The following ZNF365 variants were observed in gnomAD, a reference collection of about 807,000 sequenced individuals.
ZNF365 encodes the protein zinc finger protein 365, also known as protein ZNF365.
In ZNF365, 22 loss-of-function variants were observed where a neutral mutation model predicts 35.0. The ratio of observed to expected loss-of-function variants is 0.63; its 90% CI spans 0.45 to 0.90. The LOEUF is 0.90. Among genes scored for constraint, ZNF365 ranks in the 40% least tolerant of loss-of-function variants. ZNF365 has a pLI of 0.00. For synonymous variants in ZNF365, 188 were observed against 196.2 expected (o/e 0.96, Z 0.35); for missense variants, 448 against 500.3 (o/e 0.90, Z 1.00).
chr10:62,460,715 G>T lies in ZNF365; in HGVS notation c.981+918G>T, dbSNP rs181968491. ...TAGAGGTTAATTCTGATGTGGTGTT[G>T]GGAGACAGGAGTACATATCAGAAGA... On this transcript the variant is annotated intron_variant, in intron 4 of 4. Transcript: ENST00000395255. Among the ~76,000 whole-genome samples, 6 of 152,304 alleles carry T rather than the reference G, an allele frequency of 3.9e-5. No individual in the cohort carries two copies. The East Asian group carries it at 1.2e-3, about 29-fold the overall frequency.
At chr10:62,415,204 C>G (rs10761632) in intron 3 of ZNF365, among the ~76,000 whole-genome samples, 95,797 of 151,888 alleles carry the variant, frequency 0.63, 30,903 homozygotes, top group East Asian at 0.84. Flanking sequence ...ACATAGTCCT[C>G]ACTCTCAGCA....
intron 4 of ZNF365, among the ~76,000 whole-genome samples, chr10:62,466,285 T>C (rs1840942166): frequency 6.6e-6 from 1 of 152,194 alleles, no homozygotes; most frequent in African/African-American, 2.4e-5. Flanking sequence ...GTGCCTGCAG[T>C]GGCAGTCACT....
At chr10:62,386,419 T>A (rs1839527412) in intron 2 of ZNF365, among the ~76,000 whole-genome samples, 1 of 152,224 alleles carries the variant, frequency 6.6e-6, no homozygotes, top group Non-Finnish European at 1.5e-5. Flanking sequence ...TACTGAAAGA[T>A]GATGGAATTA....
intron 3 of ZNF365, among the ~76,000 whole-genome samples, chr10:62,390,229 T>C (rs1055084741): frequency 7.9e-5 from 12 of 152,230 alleles, no homozygotes; most frequent in African/African-American, 2.9e-4. Context: ...CTTTCCAGGT[T>C]GTTTTGGCCT....
intron 4 of ZNF365, among the ~76,000 whole-genome samples, chr10:62,471,665 A>G (rs1841041140): frequency 6.6e-6 from 1 of 152,158 alleles, no homozygotes; most frequent in Non-Finnish European, 1.5e-5. Flanking sequence ...ACCATTGCTT[A>G]TATTCTTGGC....
At chr10:62,471,161 TC>T (rs1357844341) in intron 4 of ZNF365, among the ~76,000 whole-genome samples, 3 of 151,968 alleles carry the variant, frequency 2.0e-5, no homozygotes, top group Admixed American at 1.3e-4. Flanking sequence ...GGTCAGGAGA[TC>T]GAGATCATCC....
chr10:62,476,054 T>C (rs1841125199), intron 4 of ZNF365, among the ~76,000 whole-genome samples: 1 of 152,066 alleles, frequency 6.6e-6, no homozygotes, highest in Non-Finnish European at 1.5e-5. Flanking sequence ...TAGAGACATA[T>C]TAAAAAACCT....
chr10:62,461,940 C>T (rs374488755), intron 4 of ZNF365, among the ~76,000 whole-genome samples: 1 of 152,112 alleles, frequency 6.6e-6, no homozygotes, highest in African/African-American at 2.4e-5. Flanking sequence ...GTAAATTCTG[C>T]GGGCAAACAG....
chr10:62,413,405 C>T (rs562415764), intron 3 of ZNF365, among the ~76,000 whole-genome samples: 10 of 152,262 alleles, frequency 6.6e-5, no homozygotes, highest in African/African-American at 2.4e-4. Flanking sequence ...GACCATGGAA[C>T]TGTTTCTTCT....
At chr10:62,397,103 T>A (rs759215591) in intron 3 of ZNF365, among the ~76,000 whole-genome samples, 11 of 152,208 alleles carry the variant, frequency 7.2e-5, no homozygotes, top group Non-Finnish European at 1.5e-4. Flanking sequence ...TCTTTGTATG[T>A]TGCATAATCT....
intron 3 of ZNF365, among the ~76,000 whole-genome samples, chr10:62,391,757 A>C (rs964773140): frequency 1.1e-4 from 17 of 152,264 alleles, no homozygotes; most frequent in African/African-American, 3.6e-4. Flanking sequence ...TCCTCTGGGT[A>C]GATACCCAGT....
chr10:62,454,306 A>C (rs1840728635), intron 3 of ZNF365, among the ~76,000 whole-genome samples: 1 of 152,204 alleles, frequency 6.6e-6, no homozygotes, highest in South Asian at 2.1e-4. Flanking sequence ...TCCTTTTAGA[A>C]GGTCTAGACC....
chr10:62,384,729 G>T (rs930293225), intron 2 of ZNF365, among the ~76,000 whole-genome samples: 3 of 152,200 alleles, frequency 2.0e-5, no homozygotes, highest in African/African-American at 2.4e-5. Flanking sequence ...GTGACAGTTG[G>T]TAGTTTCTTA....
chr10:62,448,563 G>A (rs1840628439), intron 3 of ZNF365, among the ~76,000 whole-genome samples: 2 of 151,900 alleles, frequency 1.3e-5, no homozygotes, highest in African/African-American at 4.8e-5. Flanking sequence ...TTTTTTACTT[G>A]CACCCAGAAT....
intron 3 of ZNF365, among the ~76,000 whole-genome samples, chr10:62,410,182 G>A (rs12779966): frequency 0.6 from 91,633 of 151,918 alleles, 28,172 homozygotes; most frequent in East Asian, 0.77. Flanking sequence ...TTCACTGACT[G>A]CTACTAAAAT....
chr10:62,445,568 T>C (rs7074870), intron 3 of ZNF365, among the ~76,000 whole-genome samples: 101,141 of 151,982 alleles, frequency 0.67, 34,118 homozygotes, highest in Non-Finnish European at 0.74. Context: ...GATCCTGAGA[T>C]CCCACCTATT....
intron 3 of ZNF365, among the ~76,000 whole-genome samples, chr10:62,419,977 A>AT (rs1840140749): frequency 1.3e-5 from 2 of 152,270 alleles, no homozygotes; most frequent in South Asian, 4.2e-4. Flanking sequence ...ATCACAAAAA[A>AT]ATATATAAAT....
chr10:62,381,611 G>C (rs1839440451), intron 2 of ZNF365, among the ~76,000 whole-genome samples: 1 of 152,102 alleles, frequency 6.6e-6, no homozygotes, highest in Non-Finnish European at 1.5e-5. Flanking sequence ...TTTCTGATGT[G>C]ATTAAAGAAA....
intron 3 of ZNF365, among the ~76,000 whole-genome samples, chr10:62,388,884 A>G (rs2132418405): frequency 1.3e-5 from 2 of 152,280 alleles, no homozygotes; most frequent in Non-Finnish European, 2.9e-5. Context: ...CAAAGAAATC[A>G]TTCATTTCAA....
Sources: gnomAD v4.1 joint callset for allele counts (sites outside exome capture counted in the v4.1 genomes callset) on GRCh38, gnomAD v4.1.1 for gene constraint, MANE v1.5 for transcripts, NCBI Gene and HGNC (gene_info 2026-07-23, HGNC 2026-07-21) for gene names.